Variants in CUX2 observed in about 807,000 individuals in gnomAD.
The protein encoded by CUX2 is cut like homeobox 2.
CUX2 carries 40 observed loss-of-function variants against 144.8 expected under a neutral mutation model. The ratio of observed to expected loss-of-function variants is 0.28; its 90% confidence interval spans 0.21 to 0.36. CUX2 has a LOEUF of 0.36. Among genes scored for constraint, CUX2 ranks in the 10% least tolerant of loss-of-function variants. The pLI is 1.00. For synonymous variants in CUX2, 827 were observed against 875.6 expected, an observed-to-expected ratio of 0.94 and a Z score of 0.98; for missense variants, 1,615 against 1,994.0, an observed-to-expected ratio of 0.81 and a Z score of 3.62.
chr12:111,136,772 C>A (rs1399913298), intron 1 of CUX2, among the ~76,000 whole-genome samples: 4 of 152,140 alleles, frequency 2.6e-5, no homozygotes, highest in Non-Finnish European at 5.9e-5. Context: ...GCTCCAAGAC[C>A]CAGCCATTTG....
At chr12:111,159,699 T>C (rs76285777) in intron 1 of CUX2, among the ~76,000 whole-genome samples, 3,953 of 152,258 alleles carry the variant, frequency 0.026, 188 homozygotes, top group African/African-American at 0.091. Flanking sequence ...TTTTGACCCA[T>C]AGGCAAGCAT....
chr12:111,036,896 C>T (rs1368440747), intron 1 of CUX2, among the ~76,000 whole-genome samples: 2 of 139,122 alleles, frequency 1.4e-5, no homozygotes, highest in Non-Finnish European at 3.2e-5. Context: ...GGCCCGCAGC[C>T]CCCCACCCCC....
chr12:111,256,421 C>T (rs1486818225), intron 3 of CUX2, among the ~76,000 whole-genome samples: 3 of 152,168 alleles, frequency 2.0e-5, no homozygotes, highest in Non-Finnish European at 4.4e-5. Flanking sequence ...CAAGCACCTG[C>T]CTCCTCTCGC....
intron 1 of CUX2, among the ~76,000 whole-genome samples, chr12:111,095,327 C>T (rs370503583): frequency 7.2e-5 from 11 of 152,176 alleles, no homozygotes; most frequent in South Asian, 4.2e-4. Flanking sequence ...GGTGAGGTGG[C>T]GCACGTCTGT....
At chr12:111,041,200 C>T (rs1869726946) in intron 1 of CUX2, among the ~76,000 whole-genome samples, 1 of 152,156 alleles carries the variant, frequency 6.6e-6, no homozygotes, top group Non-Finnish European at 1.5e-5. Context: ...ATAATAGTCT[C>T]CGCCTTCTAG....
chr12:111,098,385 G>C (rs1418109401), intron 1 of CUX2, among the ~76,000 whole-genome samples: 2 of 151,024 alleles, frequency 1.3e-5, no homozygotes, highest in Admixed American at 6.6e-5. Context: ...GAGCGACAGA[G>C]CGAGACTTCG....
chr12:111,195,846 T>C (rs932625445), intron 1 of CUX2, among the ~76,000 whole-genome samples: 1 of 152,226 alleles, frequency 6.6e-6, no homozygotes, highest in Non-Finnish European at 1.5e-5. Context: ...TTCTTTTTTT[T>C]CCAGCAGCTT....
intron 1 of CUX2, among the ~76,000 whole-genome samples, chr12:111,166,596 C>T (rs1248451568): frequency 1.3e-5 from 2 of 152,208 alleles, no homozygotes; most frequent in Non-Finnish European, 2.9e-5. Flanking sequence ...AGTTAAGTGA[C>T]TTGCTCTGGT....
chr12:111,241,403 T>C (rs1231198791), intron 3 of CUX2, among the ~76,000 whole-genome samples: 1 of 152,180 alleles, frequency 6.6e-6, no homozygotes, highest in African/African-American at 2.4e-5. Flanking sequence ...CAGAGCCCAA[T>C]AGTCTGCAGT....
At chr12:111,071,662 A>G (rs1871257651) in intron 1 of CUX2, among the ~76,000 whole-genome samples, 1 of 152,170 alleles carries the variant, frequency 6.6e-6, no homozygotes, top group South Asian at 2.1e-4. Context: ...TGTTGTATCT[A>G]AAAAGTCAAC....
chr12:111,317,504 C>A (rs546093801), intron 16 of CUX2, among the ~76,000 whole-genome samples: 8 of 152,216 alleles, frequency 5.3e-5, no homozygotes, highest in Non-Finnish European at 1.2e-4. Flanking sequence ...GAACATATTG[C>A]CCAACCCAAG....
chr12:111,070,223 T>A (rs1011319324), intron 1 of CUX2, among the ~76,000 whole-genome samples: 1 of 152,130 alleles, frequency 6.6e-6, no homozygotes, highest in African/African-American at 2.4e-5. Flanking sequence ...CCTGAAGACA[T>A]CCTGCCCAGC....
At chr12:111,302,540 C>T (rs1369777327) in intron 9 of CUX2, among the ~76,000 whole-genome samples, 1 of 152,188 alleles carries the variant, frequency 6.6e-6, no homozygotes, top group Non-Finnish European at 1.5e-5. Context: ...GATTTCTCTC[C>T]AAAGCCACAA....
intron 1 of CUX2, among the ~76,000 whole-genome samples, chr12:111,177,213 C>A (rs1173017052): frequency 6.6e-6 from 1 of 152,084 alleles, no homozygotes; most frequent in Admixed American, 6.5e-5. Context: ...GAGCAGGGCC[C>A]GCGTTTACTT....
Position 111,149,777 on chromosome 12 carries a change from A to G in CUX2, c.64-64423A>G, listed in dbSNP as rs114765677. On this transcript the variant is annotated intron_variant, in intron 1 of 21. Transcript: ENST00000261726. ...AGTTATTTTTTCACTGGAGTGCACC[A>G]TCTCTTCACACCCTCTCTCCCTTAA... 4.9e-3 allele frequency among the ~76,000 whole-genome samples: 747 copies of G among 152,312 alleles called. 7 individuals carry two copies. The highest frequency in any genetic ancestry group is 0.016 in the African/African-American group (681 of 41,576).
intron 1 of CUX2, among the ~76,000 whole-genome samples, chr12:111,069,553 C>CGT (rs1472894499): frequency 8.8e-5 from 12 of 136,448 alleles, no homozygotes; most frequent in African/African-American, 2.9e-4. Context: ...TGTGTGTGTG[C>CGT]GCGCGCGTGT....
intron 3 of CUX2, among the ~76,000 whole-genome samples, chr12:111,240,460 C>A (rs2136258086): frequency 6.6e-6 from 1 of 152,310 alleles, no homozygotes; most frequent in African/African-American, 2.4e-5. Context: ...CAACCCAGAC[C>A]AGTCAAAATC....
rs1870660590 is a variant in CUX2 at position 111,059,222 on chromosome 12, T to G, written c.63+24982T>G. 6.6e-6 allele frequency among the ~76,000 whole-genome samples: 1 copy of G among 152,068 alleles called. No individual in the cohort carries two copies. Among genetic ancestry groups the G allele is most frequent in the Non-Finnish European group, 1.5e-5 (1 of 67,978 alleles). On this transcript the variant is annotated intron_variant, in intron 1 of 21. Coordinates refer to ENST00000261726, the MANE Select transcript of CUX2 (RefSeq NM_015267.4). The surrounding 1 kb of genome is among the most constrained non-coding windows in gnomAD (Gnocchi z 5.3). ...AGTGGCACCTGCCACACTGGTCAGC[T>G]GGAGGGGGCCCCTCTTTGCAGGGCT...
rs1054169928 is a variant in CUX2, at chr12:111,330,337, T to A, written c.2927-4104T>A. 3.3e-5 allele frequency among the ~76,000 whole-genome samples: 5 copies of A among 152,226 alleles called. No individual in the cohort carries two copies. In the South Asian group the frequency reaches 1.0e-3, roughly 32 times the overall value. ...GGACTCACCTGTGACTAACTTGTAG[T>A]CCTTGCCTTCAAGGGGCTCACAGTT... On this transcript the variant is annotated intron_variant, in intron 18 of 21. Coordinates refer to ENST00000261726, the MANE Select transcript of CUX2 (RefSeq NM_015267.4).
Sources: allele counts gnomAD v4.1 joint callset (sites outside exome capture counted in the v4.1 genomes callset), GRCh38; gene constraint gnomAD v4.1.1; non-coding constraint Gnocchi (gnomAD v3.1); transcripts MANE v1.5; gene names NCBI Gene and HGNC (gene_info 2026-07-23, HGNC 2026-07-21).